Variants in PCLO observed in about 807,000 individuals in gnomAD.
PCLO encodes the protein piccolo presynaptic cytomatrix protein, also known as protein piccolo.
A neutral mutation model predicts 427.5 loss-of-function variants in PCLO; 82 were observed. That is an observed-to-expected ratio of 0.19 (90% CI 0.16 to 0.23). The LOEUF is 0.23. PCLO is among the 10% of genes least tolerant of loss of function. The pLI is 1.00. For missense variants in PCLO, 6,239 were observed against 6,115.9 expected, an observed-to-expected ratio of 1.02 and a Z score of -0.67; for synonymous variants, 2,357 against 2,155.4, an observed-to-expected ratio of 1.09 and a Z score of -2.59.
At chr7:82,875,889 A>C (rs1168081058) in intron 10 of PCLO, among the ~76,000 whole-genome samples, 1 of 152,134 alleles carries the variant, frequency 6.6e-6, no homozygotes, top group Non-Finnish European at 1.5e-5. Context: ...TCAGAAAAGC[A>C]GGAGACCTAG....
chr7:83,134,120 A>G (rs1459640552), intron 3 of PCLO, 130 bp downstream of exon 3: 1 of 297,106 alleles, frequency 3.4e-6, no homozygotes, highest in Non-Finnish European at 5.8e-6. Context: ...AACTTCTAAG[A>G]TTATCAATTT....
At chr7:82,947,270 T>A (rs547670948) in intron 6 of PCLO, among the ~76,000 whole-genome samples, 1 of 152,330 alleles carries the variant, frequency 6.6e-6, no homozygotes, top group Admixed American at 6.5e-5. Context: ...CAGTGTATTA[T>A]GTGTGTCACT....
intron 6 of PCLO, among the ~76,000 whole-genome samples, chr7:82,927,226 G>A (rs889561635): frequency 2.0e-5 from 3 of 152,088 alleles, no homozygotes; most frequent in African/African-American, 7.2e-5. Flanking sequence ...CACTGCCTTT[G>A]GGGTTTTCAT....
chr7:83,162,386 T>G lies in PCLO; in HGVS notation c.207A>C (p.Gly69=), dbSNP rs1308209266. The stretch of plus-strand genomic sequence containing the variant: ...ACTCCGCAGCGGCCGGGGGGACGCT[T>G]CCCTTGGGCAGCCCCTGCGCCCTTG... ...VMSRAQGLPK[G]SVPPAAAESP... The change falls in exon 1 of 25, where the codon GGA becomes GGC. Residue 69 remains glycine (G), a synonymous_variant. Coordinates refer to ENST00000333891, the MANE Select transcript of PCLO (RefSeq NM_033026.6). The G allele has an allele frequency of 6.2e-7, 1 of 1,600,052 alleles. No individual in the cohort carries two copies. The highest frequency in any genetic ancestry group is 1.1e-5 in the South Asian group (1 of 88,642).
chr7:82,872,155 A>G (rs184303049), intron 10 of PCLO, among the ~76,000 whole-genome samples: 1 of 152,056 alleles, frequency 6.6e-6, no homozygotes, highest in African/African-American at 2.4e-5. Context: ...AAAAATAAAG[A>G]GACAGAAAAT....
intron 8 of PCLO, among the ~76,000 whole-genome samples, chr7:82,903,936 G>C (rs1203627263): frequency 1.3e-5 from 2 of 151,664 alleles, no homozygotes; most frequent in Non-Finnish European, 2.9e-5. Flanking sequence ...AAACAAAACA[G>C]GTATTTAAAA....
intron 22 of PCLO, among the ~76,000 whole-genome samples, chr7:82,793,884 A>G (rs1010062552): frequency 1.3e-5 from 2 of 152,290 alleles, no homozygotes; most frequent in African/African-American, 4.8e-5. Context: ...TTGGTGGAGC[A>G]TATCTTCAAG....
intron 20 of PCLO, chr7:82,820,967 T>C: frequency 3.3e-6 from 4 of 1,228,460 alleles, no homozygotes; most frequent in Non-Finnish European, 4.1e-6. Flanking sequence ...ATGGTGATGA[T>C]GAAGTCCTGA....
chr7:82,804,337 T>C (rs903668000), intron 21 of PCLO, among the ~76,000 whole-genome samples: 8 of 152,316 alleles, frequency 5.3e-5, no homozygotes, highest in African/African-American at 1.9e-4. Flanking sequence ...ATTTGCTTAA[T>C]TTAAATTGAA....
At chr7:82,826,527 A>G (rs1791947649) in intron 18 of PCLO, 62 bp downstream of exon 18, 6 of 1,070,860 alleles carry the variant, frequency 5.6e-6, no homozygotes, top group Non-Finnish European at 8.6e-6. Context: ...CATGCTTTGC[A>G]TCGTGCTTTA....
rs370353103 is a variant in PCLO at position 82,956,314 on chromosome 7, G to T, written c.4639C>A (p.Gln1547Lys). 1.9e-5 allele frequency: 30 copies of T among 1,612,706 alleles called. No homozygotes were observed. Among genetic ancestry groups the T allele is most frequent in the Non-Finnish European group, 2.5e-5 (29 of 1,179,836 alleles). The change falls in exon 5 of 25, where the codon CAA becomes AAA. Residue 1547 changes from glutamine (Q) to lysine (K), a missense_variant. Gln to Lys is a moderately conservative substitution (Grantham distance 53). This residue lies in a region of PCLO where 4,677 missense variants were observed against 4,468.4 expected (regional missense o/e 1.05). Transcript: ENST00000333891. ...AAGTCCTCCTCTTCCCCTGATCCTT[G>T]GCTGTCTTCCTGTTTATACTCATCA... ...SSDEYKQEDS[Q>K]GSGEEEDFIR...
At chr7:82,972,245 T>C (rs965697392) in intron 3 of PCLO, among the ~76,000 whole-genome samples, 1 of 151,874 alleles carries the variant, frequency 6.6e-6, no homozygotes, top group Non-Finnish European at 1.5e-5. Context: ...GTTCAAAAAA[T>C]CCATTCATCT....
chr7:82,842,895 A>G (rs1343411909), intron 13 of PCLO, among the ~76,000 whole-genome samples: 1 of 152,140 alleles, frequency 6.6e-6, no homozygotes, highest in Non-Finnish European at 1.5e-5. Context: ...TCCAAAAGAA[A>G]AAAGATAGTG....
intron 8 of PCLO, among the ~76,000 whole-genome samples, chr7:82,907,939 T>C (rs530877763): frequency 1.3e-5 from 2 of 152,176 alleles, no homozygotes; most frequent in African/African-American, 2.4e-5. Context: ...TATACCTCAA[T>C]ATGACAAACA....
chr7:83,030,410 G>C (rs571240940), intron 3 of PCLO, among the ~76,000 whole-genome samples: 22 of 152,152 alleles, frequency 1.4e-4, no homozygotes, highest in Admixed American at 9.8e-4. Flanking sequence ...ATGAGCAAAG[G>C]CATGGTCAAG....
At position 82,895,067 on chromosome 7, in the gene PCLO, A is replaced by G. The variant is rs1383183767; in HGVS notation, c.13528+7584T>C. Among the ~76,000 whole-genome samples, 3 of 152,202 alleles carry G rather than the reference A, an allele frequency of 2.0e-5. No individual in the cohort carries two copies. The East Asian group carries it at 5.8e-4, about 29-fold the overall frequency. ...TGCTTTTAATGTCTCTCCATTTTAT[A>G]TACAAATTTATCAACAAAGCTTTGC... On this transcript the variant is annotated intron_variant, in intron 9 of 24. Transcript: ENST00000333891.
At chr7:82,887,536 A>C (rs1793655611) in intron 9 of PCLO, among the ~76,000 whole-genome samples, 1 of 152,164 alleles carries the variant, frequency 6.6e-6, no homozygotes, top group Admixed American at 6.6e-5. Context: ...AGAGTGGATA[A>C]GAAAATGTGC....
intron 10 of PCLO, among the ~76,000 whole-genome samples, chr7:82,855,935 A>C (rs1792792964): frequency 6.6e-6 from 1 of 152,118 alleles, no homozygotes; most frequent in African/African-American, 2.4e-5. Context: ...TTTTTCAATA[A>C]AAATTGCCAA....
intron 3 of PCLO, among the ~76,000 whole-genome samples, chr7:83,060,222 AT>A (rs1306747501): frequency 6.6e-6 from 1 of 152,120 alleles, no homozygotes; most frequent in Non-Finnish European, 1.5e-5. Context: ...TTCCTTTTAA[AT>A]AACACTCCCA....
Sources: gnomAD v4.1 joint callset for allele counts (sites outside exome capture counted in the v4.1 genomes callset) on GRCh38, gnomAD v4.1.1 for gene constraint, gnomAD v4.1.1 regional missense constraint, MANE v1.5 for transcripts, NCBI Gene and HGNC (gene_info 2026-07-23, HGNC 2026-07-21) for gene names.